Variants in CFAP70 observed in about 807,000 individuals in gnomAD.
CFAP70 encodes cilia- and flagella-associated protein 70.
Under a neutral mutation model 137.6 loss-of-function variants are expected in CFAP70, and 81 were observed. That is an observed-to-expected ratio of 0.59 (90% CI 0.49 to 0.71). The LOEUF (loss-of-function observed/expected upper bound fraction) is 0.71. Ranked by LOEUF, CFAP70 falls within the 30% of genes least tolerant of loss-of-function variation. The probability of loss-of-function intolerance (pLI) is 0.00; values close to 1 mark genes in which losing one functional copy is unlikely to be tolerated. For synonymous variants in CFAP70, 382 were observed against 423.6 expected (o/e 0.90, Z 1.20); for missense variants, 976 against 1,226.7 (o/e 0.80, Z 3.05).
chr10:73,304,441 T>C (rs986842557), intron 12 of CFAP70, among the ~76,000 whole-genome samples: 13 of 152,318 alleles, frequency 8.5e-5, no homozygotes, highest in African/African-American at 2.9e-4. Flanking sequence ...GTATAAAAGA[T>C]GAATGTGCCA....
intron 8 of CFAP70, among the ~76,000 whole-genome samples, chr10:73,323,311 A>T (rs1165018902): frequency 8.2e-6 from 1 of 121,330 alleles, no homozygotes; most frequent in African/African-American, 3.5e-5. Context: ...AATGCATATA[A>T]ACAGTGTTAA....
chr10:73,356,836 C>T (rs2054720104), intron 1 of CFAP70, among the ~76,000 whole-genome samples: 1 of 152,184 alleles, frequency 6.6e-6, no homozygotes, highest in Non-Finnish European at 1.5e-5. Flanking sequence ...CAAAAGCCTC[C>T]TAACTGGTGT....
At position 73,297,174 on chromosome 10, in the gene CFAP70, C is replaced by T; in HGVS notation, c.1513-1G>A. 1 of 1,611,000 alleles carries T rather than the reference C, an allele frequency of 6.2e-7. No homozygotes were observed. The highest frequency in any genetic ancestry group is 8.5e-7 in the Non-Finnish European group (1 of 1,178,524). On this transcript the variant is annotated splice_acceptor_variant, in intron 14 of 26. Coordinates refer to ENST00000310715, the Ensembl canonical transcript of CFAP70. LOFTEE classifies it high-confidence loss of function. ...CTCTCACAATCTTTACCACAGCATG[C>T]TGCAAGACACACAGATCACCCATCT...
intron 2 of CFAP70, 79 bp downstream of exon 2, chr10:73,354,655 G>A: frequency 8.4e-7 from 1 of 1,188,126 alleles, no homozygotes; most frequent in African/African-American, 1.5e-5. Context: ...TTTGGAGGTA[G>A]AGAATGAAGC....
intron 8 of CFAP70, among the ~76,000 whole-genome samples, chr10:73,324,203 G>A (rs987994681): frequency 9.9e-5 from 15 of 152,224 alleles, no homozygotes; most frequent in Non-Finnish European, 2.2e-4. Flanking sequence ...TGCAGCCACC[G>A]CTGCTGATAC....
chr10:73,322,446 G>A (rs1348008284), intron 9 of CFAP70, among the ~76,000 whole-genome samples: 2 of 151,806 alleles, frequency 1.3e-5, no homozygotes, highest in Admixed American at 6.6e-5. Context: ...GCACAGTGGT[G>A]CACATCTGTA....
chr10:73,298,703 G>A (rs1486926278), intron 14 of CFAP70, among the ~76,000 whole-genome samples: 3 of 152,054 alleles, frequency 2.0e-5, no homozygotes, highest in Admixed American at 6.6e-5. Flanking sequence ...AAAAGCTCCC[G>A]TTCAGAATAT....
intron 5 of CFAP70, among the ~76,000 whole-genome samples, chr10:73,342,544 T>C (rs1196888668): frequency 6.6e-6 from 1 of 151,848 alleles, no homozygotes; most frequent in African/African-American, 2.4e-5. Context: ...CCCTGTCTCT[T>C]ATTAATAGAT....
At chr10:73,328,087 T>C (rs1405720138) in intron 8 of CFAP70, among the ~76,000 whole-genome samples, 2 of 152,100 alleles carry the variant, frequency 1.3e-5, no homozygotes, top group East Asian at 3.9e-4. Context: ...GACTTCAAAC[T>C]ATACTACAAG....
At chr10:73,350,620 T>C (rs1035778229) in intron 3 of CFAP70, among the ~76,000 whole-genome samples, 1 of 152,126 alleles carries the variant, frequency 6.6e-6, no homozygotes, top group African/African-American at 2.4e-5. Flanking sequence ...AATATATATA[T>C]ATTTTTTTTC....
chr10:73,292,162 T>A, intron 16 of CFAP70, 148 bp from the exon 18 acceptor site: 1 of 949,638 alleles, frequency 1.1e-6, no homozygotes. Context: ...CTCAAATGCC[T>A]AGTGCAATCA....
intron 4 of CFAP70, among the ~76,000 whole-genome samples, chr10:73,346,557 C>T (rs1034773258): frequency 1.3e-5 from 2 of 151,594 alleles, no homozygotes. Flanking sequence ...GCAGGAGAAT[C>T]GCTTGAACTC....
intron 13 of CFAP70, 93 bp from the exon 15 acceptor site, chr10:73,299,194 T>C: frequency 2.2e-6 from 2 of 909,860 alleles, no homozygotes; most frequent in Non-Finnish European, 1.7e-6. Context: ...TGTTCCATGA[T>C]ACTTTATTAG....
intron 25 of CFAP70, among the ~76,000 whole-genome samples, chr10:73,263,462 G>C (rs2045472749): frequency 6.6e-6 from 1 of 152,122 alleles, no homozygotes; most frequent in Admixed American, 6.5e-5. Flanking sequence ...TTTTAATCTG[G>C]AATAGTTCTT....
intron 25 of CFAP70, among the ~76,000 whole-genome samples, chr10:73,265,077 G>A (rs1457036172): frequency 1.3e-5 from 2 of 152,152 alleles, no homozygotes. Flanking sequence ...TGTAATCCCA[G>A]CACTTTGGGA....
chr10:73,302,799 A>G (rs1202935539), intron 12 of CFAP70, among the ~76,000 whole-genome samples: 1 of 152,068 alleles, frequency 6.6e-6, no homozygotes, highest in African/African-American at 2.4e-5. Flanking sequence ...AGTTTGGTAT[A>G]CCCATGCCTC....
At position 73,341,159 on chromosome 10, in the gene CFAP70, A is replaced by G. The variant is rs192545187; in HGVS notation, c.582+240T>C. ...TTAATTTTGACAGTAACTGATAATT[A>G]CCTATTCATAAATCAGTAAATTTAA... is the stretch of plus-strand genomic sequence containing the variant. On this transcript the variant is annotated intron_variant, in intron 6 of 26. Transcript: ENST00000310715. Among the ~76,000 whole-genome samples the G allele has an allele frequency of 2.0e-4, 31 of 152,342 alleles. 2 individuals are homozygous for G. In the East Asian group the frequency reaches 5.4e-3, roughly 27 times the overall value.
intron 19 of CFAP70, among the ~76,000 whole-genome samples, chr10:73,282,505 CAG>C (rs2047335616): frequency 6.6e-6 from 1 of 152,120 alleles, no homozygotes; most frequent in Admixed American, 6.5e-5. Context: ...GACATTAAAA[CAG>C]GGTCTGCATG....
intron 19 of CFAP70, among the ~76,000 whole-genome samples, chr10:73,284,789 TATATATATATATATAA>T (rs1564783901): frequency 2.3e-5 from 2 of 85,366 alleles, no homozygotes; most frequent in African/African-American, 1.1e-4. Context: ...TATATATATA[TATATATATATATATAA>T]AAGTTGTTTT....
Sources: allele counts gnomAD v4.1 joint callset (sites outside exome capture counted in the v4.1 genomes callset), GRCh38; gene constraint gnomAD v4.1.1; transcripts MANE v1.5; gene names NCBI Gene and HGNC (gene_info 2026-07-23, HGNC 2026-07-21).